Variants in SLC30A7 observed in about 807,000 individuals in gnomAD.
SLC30A7 encodes the protein solute carrier family 30 member 7.
In SLC30A7, 35 loss-of-function variants were observed where a neutral mutation model predicts 46.0. The observed-to-expected ratio is 0.76, with a 90% CI of 0.58 to 1.01. The LOEUF (loss-of-function observed/expected upper bound fraction) is 1.01. SLC30A7 is among the 50% of genes least tolerant of loss of function. SLC30A7 has a pLI of 0.00. For synonymous variants in SLC30A7, 147 were observed against 157.8 expected (o/e 0.93, Z 0.51); for missense variants, 464 against 451.1 (o/e 1.03, Z -0.26).
chr1:100,994,312 T>C, the SLC30A7 span, among the ~76,000 whole-genome samples: 3 of 152,234 alleles, frequency 2.0e-5, no homozygotes, highest in Admixed American at 1.3e-4. Context: ...AGTATCATTT[T>C]TTAATTAATT....
intron 2 of SLC30A7, among the ~76,000 whole-genome samples, chr1:100,898,450 AG>A (rs1289818654): frequency 1.3e-5 from 2 of 152,136 alleles, no homozygotes; most frequent in African/African-American, 4.8e-5. Flanking sequence ...TTTCTTTACT[AG>A]TGCAGCTTAT....
chr1:100,993,336 A>G, the SLC30A7 span, among the ~76,000 whole-genome samples: 2 of 151,638 alleles, frequency 1.3e-5, no homozygotes, highest in Non-Finnish European at 2.9e-5. Flanking sequence ...GTGGATCACA[A>G]AGTCAGGAGT....
In SLC30A7 at chr1:100,975,104, T is replaced by G; in HGVS notation, c.*247T>G. 1 of 363,168 alleles carries G rather than the reference T, an allele frequency of 2.8e-6. No homozygotes were observed. The highest frequency in any genetic ancestry group is 4.9e-6 in the Non-Finnish European group (1 of 203,822). The allele number at this position is 363,168 out of a possible 1,614,324, so 22.5% of individuals were successfully genotyped here. ...CTCTTTCCTCCAAATCTTTTTGACT[T>G]CTGAGGTTTTTAGCTTAGGATGTTA... is the stretch of plus-strand genomic sequence containing the variant. On this transcript the variant is annotated 3_prime_UTR_variant, in exon 11 of 11. Transcript: ENST00000357650.
chr1:100,977,920 A>G lies in SLC30A7; in HGVS notation c.*3063A>G, dbSNP rs916410830. The G allele has an allele frequency of 9.9e-5, 15 of 152,074 alleles. No individual in the cohort carries two copies. Among genetic ancestry groups the G allele is most frequent in the African/African-American group, 3.6e-4 (15 of 41,388 alleles). The allele number at this position is 152,074 out of a possible 1,614,324, so 9.4% of individuals were successfully genotyped here. ...AGGTGCACGCCACCACGCCCGGCTA[A>G]TTTTTGTGTTTTTAGCAGAGACAGG... On this transcript the variant is annotated 3_prime_UTR_variant, in exon 11 of 11. Coordinates refer to ENST00000357650, the MANE Select transcript of SLC30A7 (RefSeq NM_133496.5).
chr1:100,989,493 G>T, the SLC30A7 span: 1 of 152,188 alleles, frequency 6.6e-6, no homozygotes, highest in Admixed American at 6.5e-5. Flanking sequence ...TGAGCTTTAA[G>T]TCAGACTGCT....
chr1:100,957,292 A>G (rs1412911676), intron 8 of SLC30A7, among the ~76,000 whole-genome samples: 1 of 152,228 alleles, frequency 6.6e-6, no homozygotes, highest in Non-Finnish European at 1.5e-5. Flanking sequence ...TTGATTGCTT[A>G]ATAAAATTCA....
chr1:100,901,976 A>C (rs1651337425), intron 2 of SLC30A7, among the ~76,000 whole-genome samples: 1 of 152,114 alleles, frequency 6.6e-6, no homozygotes, highest in African/African-American at 2.4e-5. Flanking sequence ...TTAAATTTAT[A>C]GTTTAAATAT....
At chr1:100,974,681 G>A (rs1656355082) in intron 10 of SLC30A7, 129 bp from the exon 11 acceptor site, 1 of 593,218 alleles carries the variant, frequency 1.7e-6, no homozygotes, top group Non-Finnish European at 2.7e-6. Flanking sequence ...GAATATATTT[G>A]TTTCTGAAAT....
At chr1:100,953,898 AT>A (rs1655081977) in intron 8 of SLC30A7, among the ~76,000 whole-genome samples, 1 of 152,210 alleles carries the variant, frequency 6.6e-6, no homozygotes, top group Non-Finnish European at 1.5e-5. Flanking sequence ...CCTAAGTATA[AT>A]TCTTTCCAAT....
chr1:100,992,054 T>G, the SLC30A7 span, among the ~76,000 whole-genome samples: 3 of 151,062 alleles, frequency 2.0e-5, no homozygotes, highest in Admixed American at 6.6e-5. Context: ...GCTGAGATAG[T>G]GCCTCTGCAC....
Position 100,976,966 on chromosome 1 carries a change from G to A in SLC30A7, c.*2109G>A, listed in dbSNP as rs1439710545. ...GTCTTTTAAGCAGGAAAGTTCAAAA[G>A]GAAGTGTCCTGATAATGGTACTGGT... On this transcript the variant is annotated 3_prime_UTR_variant, in exon 11 of 11. Transcript: ENST00000357650. The A allele has an allele frequency of 6.6e-6, 1 of 152,396 alleles. No homozygotes were observed. Among genetic ancestry groups the A allele is most frequent in the Non-Finnish European group, 1.5e-5 (1 of 68,020 alleles). The allele number at this position is 152,396 out of a possible 1,614,324, so 9.4% of individuals were successfully genotyped here. A position where few individuals can be genotyped will look rare whatever the true frequency, so the allele number is the denominator to read the frequency against.
intron 8 of SLC30A7, among the ~76,000 whole-genome samples, chr1:100,938,240 A>G (rs1654091180): frequency 6.6e-6 from 1 of 152,164 alleles, no homozygotes. Context: ...ATTTTAAGAT[A>G]GATTTTTCTA....
At chr1:100,952,031 T>C (rs1017253783) in intron 8 of SLC30A7, among the ~76,000 whole-genome samples, 1 of 152,134 alleles carries the variant, frequency 6.6e-6, no homozygotes, top group East Asian at 1.9e-4. Flanking sequence ...GCTTTGAAGA[T>C]GGAGGAAGAG....
the SLC30A7 span, among the ~76,000 whole-genome samples, chr1:100,992,447 A>ATTTTT: frequency 1.3e-5 from 2 of 151,646 alleles, no homozygotes. Context: ...AAGAATGCCA[A>ATTTTT]TTTTTTTTTC....
At chr1:100,909,918 G>A (rs1651972883) in intron 3 of SLC30A7, among the ~76,000 whole-genome samples, 1 of 151,990 alleles carries the variant, frequency 6.6e-6, no homozygotes, top group African/African-American at 2.4e-5. Context: ...CCTAAGTGTA[G>A]GCTGTGGAAT....
intron 8 of SLC30A7, among the ~76,000 whole-genome samples, chr1:100,949,339 G>A (rs889564084): frequency 1.3e-5 from 2 of 152,140 alleles, no homozygotes; most frequent in Non-Finnish European, 2.9e-5. Context: ...ACCAGCGGAG[G>A]CTGCAGAACA....
intron 6 of SLC30A7, 60 bp downstream of exon 6, chr1:100,913,866 CT>C: frequency 1.3e-6 from 2 of 1,563,330 alleles, no homozygotes; most frequent in Admixed American, 1.9e-5. Flanking sequence ...TTGTGGATTA[CT>C]TTTCCTAGTT....
rs562941857 is a variant in SLC30A7, at chr1:100,920,143, A to G, written c.707-1563A>G. On this transcript the variant is annotated intron_variant, in intron 7 of 10. Transcript: ENST00000357650. ...TTCCAGTCTAAGGAAAATCAAGAAC[A>G]AATCATTATTTTCTTACAAATCATT... Among the ~76,000 whole-genome samples the G allele has an allele frequency of 5.8e-4, 88 of 152,214 alleles. 1 individual carries two copies. Among genetic ancestry groups the G allele is most frequent in the African/African-American group, 1.9e-3 (79 of 41,582 alleles).
the SLC30A7 span, among the ~76,000 whole-genome samples, chr1:100,987,590 A>T: frequency 6.6e-6 from 1 of 151,694 alleles, no homozygotes; most frequent in Non-Finnish European, 1.5e-5. Flanking sequence ...ATAGTTCTAA[A>T]AACTGCTTTA....
Sources: allele counts gnomAD v4.1 joint callset (sites outside exome capture counted in the v4.1 genomes callset), GRCh38; gene constraint gnomAD v4.1.1; transcripts MANE v1.5; gene names NCBI Gene and HGNC (gene_info 2026-07-23, HGNC 2026-07-21).